MSTO1: variants seen among roughly 807,000 people sequenced by gnomAD.
The protein encoded by MSTO1 is protein misato homolog 1.
Under a neutral mutation model 55.7 loss-of-function variants are expected in MSTO1, and 24 were observed. The ratio of observed to expected loss-of-function variants is 0.43; its 90% CI spans 0.31 to 0.61. MSTO1 has a LOEUF of 0.61. Among genes scored for constraint, MSTO1 ranks in the 20% least tolerant of loss-of-function variants. The probability of loss-of-function intolerance (pLI) is 0.09; values close to 1 mark genes in which losing one functional copy is unlikely to be tolerated. For missense variants in MSTO1, 363 were observed against 625.7 expected, an observed-to-expected ratio of 0.58 and a Z score of 4.48; for synonymous variants, 162 against 252.8, an observed-to-expected ratio of 0.64 and a Z score of 3.41.
chr1:155,609,415 T>A (rs1673363231), upstream of MSTO1, among the ~76,000 whole-genome samples: 1 of 150,412 alleles, frequency 6.6e-6, no homozygotes, highest in Non-Finnish European at 1.5e-5. Flanking sequence ...CCAGCTAATT[T>A]TTTTTTGTAT....
the MSTO1 span, among the ~76,000 whole-genome samples, chr1:155,574,991 C>T: frequency 1.8e-4 from 28 of 151,926 alleles, no homozygotes; most frequent in African/African-American, 6.8e-4. Context: ...CTCAACCTCC[C>T]GATTAGCTGG....
upstream of MSTO1, among the ~76,000 whole-genome samples, chr1:155,606,544 G>A (rs1372054413): frequency 6.6e-6 from 1 of 151,546 alleles, no homozygotes; most frequent in African/African-American, 2.4e-5. Context: ...ACAGGCGCGT[G>A]CCACCACTGC....
the MSTO1 span, among the ~76,000 whole-genome samples, chr1:155,565,178 C>T: frequency 1.3e-5 from 2 of 151,606 alleles, no homozygotes; most frequent in Non-Finnish European, 2.9e-5. Flanking sequence ...GCCTGTAGTT[C>T]CACCTACTTG....
the MSTO1 span, among the ~76,000 whole-genome samples, chr1:155,603,720 C>T: frequency 3.3e-5 from 5 of 151,422 alleles, no homozygotes; most frequent in Non-Finnish European, 2.9e-5. Flanking sequence ...TAGCTGGGCA[C>T]GGTGGCAGGC....
the MSTO1 span, among the ~76,000 whole-genome samples, chr1:155,600,767 C>T: frequency 6.6e-6 from 1 of 152,156 alleles, no homozygotes; most frequent in African/African-American, 2.4e-5. Flanking sequence ...AGCTCCGCCT[C>T]CCAGGTTCAT....
At chr1:155,584,691 A>AAAAAAAAAAAAAAAG in the MSTO1 span, among the ~76,000 whole-genome samples, 39 of 75,612 alleles carry the variant, frequency 5.2e-4, 3 homozygotes, top group East Asian at 1.0e-3. Context: ...AAAAAAAAAA[A>AAAAAAAAAAAAAAAG]AAAGAAAGAA....
At chr1:155,605,619 T>A (rs1396130850), upstream of MSTO1, among the ~76,000 whole-genome samples, 4 of 152,130 alleles carry the variant, frequency 2.6e-5, no homozygotes, top group African/African-American at 9.7e-5. Context: ...TTGAGCAACA[T>A]AGACCTCCTC....
At chr1:155,570,755 G>GA in the MSTO1 span, among the ~76,000 whole-genome samples, 2 of 152,012 alleles carry the variant, frequency 1.3e-5, no homozygotes, top group Non-Finnish European at 2.9e-5. Context: ...ATACCTATAG[G>GA]AAAAAACTGT....
At chr1:155,570,879 T>TCC in the MSTO1 span, among the ~76,000 whole-genome samples, 1 of 152,178 alleles carries the variant, frequency 6.6e-6, no homozygotes, top group Non-Finnish European at 1.5e-5. Context: ...TGGACTACTG[T>TCC]ATTTCCTTCC....
In MSTO1 at chr1:155,610,264, C is replaced by G. The variant is rs761442931; in HGVS notation, c.16C>G (p.Arg6Gly). ...GCAGCGCAGTATGGCGGGCGGGGCC[C>G]GGGAGGTGCTCACACTGCAGTTGGG... MAGGA[R>G]EVLTLQLGHF... Residue 6 changes from arginine (R) to glycine (G), a missense_variant, in exon 1 of 14, where the codon CGG becomes GGG. Arg to Gly is a moderately radical substitution (Grantham distance 125). This residue lies in a region of MSTO1 where 94 missense variants were observed against 212.4 expected (regional missense o/e 0.44). Coordinates refer to ENST00000245564, the MANE Select transcript of MSTO1 (RefSeq NM_018116.4). The G allele has an allele frequency of 2.6e-6, 2 of 782,896 alleles. No homozygotes were observed. Among genetic ancestry groups the G allele is most frequent in the South Asian group, 1.7e-5 (1 of 58,320 alleles). The allele number at this position is 782,896 out of a possible 1,614,324, so 48.5% of individuals were successfully genotyped here. A position where few individuals can be genotyped will look rare whatever the true frequency, so the allele number is the denominator to read the frequency against.
chr1:155,567,761 C>A, the MSTO1 span, among the ~76,000 whole-genome samples: 1 of 148,050 alleles, frequency 6.8e-6, no homozygotes, highest in African/African-American at 2.5e-5. Context: ...ATTGGCTGGG[C>A]GTGGTGGCTC....
Position 155,614,842 on chromosome 1 carries a change from T to TC in MSTO1, c.*569_*570insC, listed in dbSNP as rs1675259328. The stretch of plus-strand genomic sequence containing the variant: ...GGCTTCACAGGCAGTGTGGAAGAGC[T>TC]GCATGAGTTCTCGAAAATGGTGGGA... On this transcript the variant is annotated 3_prime_UTR_variant, in exon 14 of 14. Coordinates refer to ENST00000245564, the MANE Select transcript of MSTO1 (RefSeq NM_018116.4). 6.3e-7 allele frequency: 1 copy of TC among 1,579,884 alleles called. No individual in the cohort carries two copies. The highest frequency in any genetic ancestry group is 8.6e-7 in the Non-Finnish European group (1 of 1,162,444).
chr1:155,605,377 G>A (rs1672922610), upstream of MSTO1, among the ~76,000 whole-genome samples: 2 of 152,188 alleles, frequency 1.3e-5, no homozygotes. Context: ...AAACAACTTG[G>A]TAGTAATAGC....
chr1:155,593,542 G>A, the MSTO1 span, among the ~76,000 whole-genome samples: 1 of 152,038 alleles, frequency 6.6e-6, no homozygotes. Context: ...CATAACACAG[G>A]GTTGATAATA....
chr1:155,563,280 A>G, the MSTO1 span: 76 of 456,308 alleles, frequency 1.7e-4, no homozygotes, highest in South Asian at 1.2e-3. Flanking sequence ...AGCTGGTCGC[A>G]GGCGGTGTGT....
At chr1:155,587,239 G>C in the MSTO1 span, among the ~76,000 whole-genome samples, 1 of 151,346 alleles carries the variant, frequency 6.6e-6, no homozygotes, top group South Asian at 2.1e-4. Context: ...GTAGGAGTTC[G>C]AGACCAGCAT....
chr1:155,606,113 A>C (rs1403124710), upstream of MSTO1, among the ~76,000 whole-genome samples: 1 of 141,482 alleles, frequency 7.1e-6, no homozygotes, highest in African/African-American at 2.7e-5. Context: ...AGTTCAGTGC[A>C]ACCTCCACCT....
In MSTO1 at chr1:155,611,262, C is replaced by G. The variant is rs533491778; in HGVS notation, c.337C>G (p.Pro113Ala). ...CAAAGAGGAACTCTATCCCAAGAAC[C>G]CTTATCTCCAAGACTTTCTGAGTGC... ...THKEELYPKN[P>A]YLQDFLSAEG... Residue 113 changes from proline to alanine, a missense_variant, in exon 4 of 14, where the codon CCT becomes GCT. Transcript: ENST00000245564. 1.3e-4 allele frequency: 210 copies of G among 1,611,068 alleles called. 2 individuals carry two copies. In the South Asian group the frequency reaches 2.1e-3, roughly 16 times the overall value.
At chr1:155,595,677 T>A in the MSTO1 span, among the ~76,000 whole-genome samples, 1 of 151,620 alleles carries the variant, frequency 6.6e-6, no homozygotes, top group Non-Finnish European at 1.5e-5. Context: ...ATATTTTTAA[T>A]AGAGACACAG....
Sources: gnomAD v4.1 joint callset for allele counts (sites outside exome capture counted in the v4.1 genomes callset) on GRCh38, gnomAD v4.1.1 for gene constraint, gnomAD v4.1.1 regional missense constraint, MANE v1.5 for transcripts, NCBI Gene and HGNC (gene_info 2026-07-23, HGNC 2026-07-21) for gene names.